RALYL: variants seen among roughly 807,000 people sequenced by gnomAD.
The protein encoded by RALYL is RALY RNA binding protein like.
In RALYL, 29 loss-of-function variants were observed where a neutral mutation model predicts 35.1. The observed-to-expected ratio is 0.83, with a 90% CI of 0.61 to 1.13. The LOEUF (loss-of-function observed/expected upper bound fraction) is 1.13, where lower values mean the gene tolerates loss of function less well. RALYL is among the 50% of genes most tolerant of loss of function. RALYL has a pLI of 0.00. For missense variants in RALYL, 359 were observed against 360.4 expected (o/e 1.00, Z 0.03); for synonymous variants, 120 against 127.6 (o/e 0.94, Z 0.40).
At chr8:84,214,440 C>T (rs991990537) in intron 1 of RALYL, among the ~76,000 whole-genome samples, 1 of 151,918 alleles carries the variant, frequency 6.6e-6, no homozygotes. Flanking sequence ...ATAATATTTG[C>T]ATATATATTC....
chr8:84,688,543 T>A lies in RALYL; in HGVS notation c.257-86036T>A, dbSNP rs563368591. 2.6e-5 allele frequency among the ~76,000 whole-genome samples: 4 copies of A among 152,242 alleles called. No individual in the cohort carries two copies. In the South Asian group the frequency reaches 8.3e-4, roughly 32 times the overall value. On this transcript the variant is annotated intron_variant, in intron 2 of 8. Transcript: ENST00000521268. ...AATGCAGCAGAAGAAAAAAACTTGA[T>A]TCTTGTTTTACCCTATATACAAAAA...
chr8:84,261,107 GTTT>G (rs1424966634), intron 1 of RALYL, among the ~76,000 whole-genome samples: 1 of 148,506 alleles, frequency 6.7e-6, no homozygotes, highest in Non-Finnish European at 1.5e-5. Flanking sequence ...TTATTTACAG[GTTT>G]TTTTTTTTAT....
intron 1 of RALYL, among the ~76,000 whole-genome samples, chr8:84,253,181 T>TG (rs1830542857): frequency 3.6e-5 from 4 of 112,498 alleles, no homozygotes; most frequent in East Asian, 4.9e-4. Context: ...CTGCAGTTTT[T>TG]TTTTTTTTTT....
At chr8:84,183,058 G>A (rs1034604502), upstream of RALYL, 1 of 153,320 alleles carries the variant, frequency 6.5e-6, no homozygotes, top group African/African-American at 2.4e-5. Flanking sequence ...CAGCACCCCT[G>A]AGCTGCCCCC....
chr8:84,719,499 A>G (rs767020419), intron 2 of RALYL, among the ~76,000 whole-genome samples: 1 of 152,170 alleles, frequency 6.6e-6, no homozygotes, highest in East Asian at 1.9e-4. Context: ...AAAGGAATCT[A>G]AAAATACTTA....
Position 84,873,364 on chromosome 8 carries a change from G to C in RALYL, c.652G>C (p.Glu218Gln). Residue 218 changes from glutamate (E) to glutamine (Q), a missense_variant, in exon 7 of 9, where the codon GAG (glutamate) becomes CAG (glutamine). Physicochemically the swap from Glu to Gln is conservative, Grantham distance 29. Coordinates refer to ENST00000521268, the MANE Select transcript of RALYL (RefSeq NM_173848.7). ...TKIDSLLGRL[E>Q]KIEKQQKAEA... ...AATTGACTCCTTGCTAGGGCGCCTG[G>C]AGAAGATTGAGAAACAGCAGAAGGC... The C allele has an allele frequency of 6.3e-7, 1 of 1,599,458 alleles. No individual in the cohort carries two copies. Among genetic ancestry groups the C allele is most frequent in the Non-Finnish European group, 8.5e-7 (1 of 1,172,632 alleles).
intron 1 of RALYL, among the ~76,000 whole-genome samples, chr8:84,366,763 C>CAAA (rs1166208925): frequency 0.051 from 2,905 of 56,568 alleles, 486 homozygotes; most frequent in East Asian, 0.16. Flanking sequence ...ATTTTTGTCT[C>CAAA]AAAAAAAAAA....
chr8:84,798,459 CTACT>C (rs1461000913), intron 3 of RALYL, among the ~76,000 whole-genome samples: 1 of 152,096 alleles, frequency 6.6e-6, no homozygotes, highest in African/African-American at 2.4e-5. Context: ...TGAGATAGGT[CTACT>C]ATTATTTCCA....
chr8:84,660,987 A>G (rs553774544), intron 2 of RALYL, among the ~76,000 whole-genome samples: 1 of 151,922 alleles, frequency 6.6e-6, no homozygotes, highest in African/African-American at 2.4e-5. Flanking sequence ...GAAGTGCAGT[A>G]GTGCAATCTC....
intron 1 of RALYL, among the ~76,000 whole-genome samples, chr8:84,214,281 A>G (rs1820252949): frequency 1.3e-5 from 2 of 152,136 alleles, no homozygotes; most frequent in Non-Finnish European, 2.9e-5. Flanking sequence ...TCATATACAT[A>G]TAATAAGAAA....
intron 2 of RALYL, among the ~76,000 whole-genome samples, chr8:84,620,557 G>A (rs1821101216): frequency 6.6e-6 from 1 of 152,126 alleles, no homozygotes; most frequent in African/African-American, 2.4e-5. Context: ...CCGTAGCTCA[G>A]AGTAATTTGA....
chr8:84,457,395 C>T (rs1394538872), intron 1 of RALYL, among the ~76,000 whole-genome samples: 2 of 151,804 alleles, frequency 1.3e-5, no homozygotes, highest in Admixed American at 6.6e-5. Context: ...TCATTGATAA[C>T]GTTCTCTATC....
intron 1 of RALYL, among the ~76,000 whole-genome samples, chr8:84,229,501 C>A (rs1224356368): frequency 1.3e-5 from 2 of 152,126 alleles, no homozygotes; most frequent in African/African-American, 4.8e-5. Flanking sequence ...ACTATTTATC[C>A]CAAATATTAA....
intron 2 of RALYL, among the ~76,000 whole-genome samples, chr8:84,621,216 A>C (rs1821345497): frequency 6.6e-6 from 1 of 152,068 alleles, no homozygotes. Context: ...GTCTGATCTC[A>C]GACTGCCGTG....
intron 5 of RALYL, among the ~76,000 whole-genome samples, chr8:84,857,843 G>GT (rs928568598): frequency 1.3e-5 from 2 of 151,966 alleles, no homozygotes; most frequent in East Asian, 3.9e-4. Context: ...TAGAATTGTA[G>GT]TTTTTTTATG....
intron 2 of RALYL, among the ~76,000 whole-genome samples, chr8:84,769,989 T>C (rs887365884): frequency 1.3e-5 from 2 of 152,168 alleles, no homozygotes; most frequent in African/African-American, 4.8e-5. Context: ...CCACACTTTT[T>C]CTACTCCTTT....
chr8:84,841,768 C>G (rs903952360), intron 4 of RALYL, among the ~76,000 whole-genome samples: 1 of 152,232 alleles, frequency 6.6e-6, no homozygotes, highest in Admixed American at 6.5e-5. Context: ...AACAAACTAT[C>G]TCTCAGACCA....
At chr8:84,834,803 C>A (rs1323025601) in intron 4 of RALYL, among the ~76,000 whole-genome samples, 1 of 152,180 alleles carries the variant, frequency 6.6e-6, no homozygotes, top group Non-Finnish European at 1.5e-5. Flanking sequence ...AAACACTTTA[C>A]TTTTCTACAG....
At chr8:84,868,456 G>T (rs1214607058) in intron 6 of RALYL, among the ~76,000 whole-genome samples, 1 of 152,098 alleles carries the variant, frequency 6.6e-6, no homozygotes, top group Non-Finnish European at 1.5e-5. Flanking sequence ...GCCTCCTAAA[G>T]CACTGGGATT....
Sources: gnomAD v4.1 joint callset for allele counts (sites outside exome capture counted in the v4.1 genomes callset) on GRCh38, gnomAD v4.1.1 for gene constraint, MANE v1.5 for transcripts, NCBI Gene and HGNC (gene_info 2026-07-23, HGNC 2026-07-21) for gene names.